Variants in PCDHGA12 observed in about 807,000 individuals in gnomAD.
PCDHGA12 encodes the protein protocadherin gamma-A12.
A neutral mutation model predicts 61.1 loss-of-function variants in PCDHGA12; 43 were observed. That is an observed-to-expected ratio of 0.70 (90% CI 0.55 to 0.91). The LOEUF (loss-of-function observed/expected upper bound fraction) is 0.91, where lower values mean the gene tolerates loss of function less well. Among genes scored for constraint, PCDHGA12 ranks in the 40% least tolerant of loss-of-function variants. The pLI is 0.00. For synonymous variants in PCDHGA12, 520 were observed against 542.9 expected (o/e 0.96, Z 0.59); for missense variants, 1,236 against 1,227.7 (o/e 1.01, Z -0.10).
chr5:141,434,727 A>C (rs1344107083), intron 1 of PCDHGA12, among the ~76,000 whole-genome samples: 1 of 152,052 alleles, frequency 6.6e-6, no homozygotes. Context: ...CAGGGCTCTC[A>C]GCTCTGAAGG....
At chr5:141,471,508 G>A (rs1262338812) in intron 1 of PCDHGA12, 3 of 152,216 alleles carry the variant, frequency 2.0e-5, no homozygotes, top group African/African-American at 7.2e-5. Context: ...AAGAGAGGGA[G>A]TAAAAATAAC....
At chr5:141,467,344 C>A (rs2099142230) in intron 1 of PCDHGA12, among the ~76,000 whole-genome samples, 1 of 152,122 alleles carries the variant, frequency 6.6e-6, no homozygotes, top group South Asian at 2.1e-4. Flanking sequence ...TAAGCCACTG[C>A]CCCCGGCCAA....
At position 141,436,706 on chromosome 5, in the gene PCDHGA12, A is replaced by G. The variant is rs149478256; in HGVS notation, c.2424+3523A>G. 3.9e-3 allele frequency among the ~76,000 whole-genome samples: 587 copies of G among 152,318 alleles called. 6 individuals are homozygous for G. Among genetic ancestry groups the G allele is most frequent in the Admixed American group, 0.011 (169 of 15,304 alleles). On this transcript the variant is annotated intron_variant, in intron 1 of 3. Transcript: ENST00000252085. ...TATATTTTCAATGCCAGCACACTCG[A>G]TGTTCTGTTGGGAAAAATAATAATG...
rs1299573831 is a variant in PCDHGA12 at position 141,500,662 on chromosome 5, T to A, written c.2484-4731T>A. 5.3e-5 allele frequency among the ~76,000 whole-genome samples: 8 copies of A among 152,352 alleles called. No homozygotes were observed. The East Asian group carries it at 1.5e-3, about 29-fold the overall frequency. ...TTTTTAAAAATAGCAACTGAGGCCA[T>A]ACTGTCCAACAGAATTATAGCTTTT... On this transcript the variant is annotated intron_variant, in intron 2 of 3. Coordinates refer to ENST00000252085, the MANE Select transcript of PCDHGA12 (RefSeq NM_003735.3).
In PCDHGA12 at chr5:141,489,664, A is replaced by C. The variant is rs745597010; in HGVS notation, c.2425-5143A>C. 1.9e-6 allele frequency: 3 copies of C among 1,614,224 alleles called. No individual in the cohort carries two copies. Among genetic ancestry groups the C allele is most frequent in the African/African-American group, 1.3e-5 (1 of 75,058 alleles). On this transcript the variant is annotated intron_variant, in intron 1 of 3. Transcript: ENST00000252085. This position sits in a 1 kb window ranked among gnomAD's most constrained non-coding sequence, Gnocchi z 4.5. ...TGCCACCCCTGAGCGAGAGATGCGC[A>C]TCTCAGAATCAGCAGCATCTGGGGC... is the stretch of plus-strand genomic sequence containing the variant.
Position 141,477,771 on chromosome 5 carries a change from G to A in PCDHGA12, c.2425-17036G>A. 1 of 1,613,992 alleles carries A rather than the reference G, an allele frequency of 6.2e-7. No homozygotes were observed. The highest frequency in any genetic ancestry group is 1.3e-5 in the African/African-American group (1 of 75,054). ...ACCCCGGTCCTAGCCACCAACATCA[G>A]CGTGAACATATTTGTCACTGATCGC... On this transcript the variant is annotated intron_variant, in intron 1 of 3. Transcript: ENST00000252085. This position sits in a 1 kb window ranked among gnomAD's most constrained non-coding sequence, Gnocchi z 4.9.
intron 3 of PCDHGA12, among the ~76,000 whole-genome samples, chr5:141,506,485 A>C (rs2154593953): frequency 6.6e-6 from 1 of 150,572 alleles, no homozygotes; most frequent in East Asian, 2.0e-4. Flanking sequence ...CTTTAGAGGC[A>C]GGCCAATCTG....
rs71576115 is a variant in PCDHGA12 at position 141,463,438 on chromosome 5, C to CTTTT, written c.2424+30280_2424+30283dup. Among the ~76,000 whole-genome samples, 106 of 103,254 alleles carry CTTTT rather than the reference C, an allele frequency of 1.0e-3. 8 individuals are homozygous for CTTTT. Among genetic ancestry groups the CTTTT allele is most frequent in the African/African-American group, 3.9e-3 (88 of 22,404 alleles). The allele number at this position is 103,254 out of a possible 152,430, so 67.7% of individuals were successfully genotyped here. ...GTTTGCGGATCCTCATTTCCTTCTC[C>CTTTT]TTTTTTTTTTTTTTTTTTTTTTTTT... is the stretch of plus-strand genomic sequence containing the variant. On this transcript the variant is annotated intron_variant, in intron 1 of 3. Transcript: ENST00000252085.
intron 1 of PCDHGA12, among the ~76,000 whole-genome samples, chr5:141,467,441 T>C (rs919148544): frequency 6.6e-6 from 1 of 152,340 alleles, no homozygotes; most frequent in African/African-American, 2.4e-5. Context: ...CATTCATTAC[T>C]TTTTTCTTCC....
intron 1 of PCDHGA12, chr5:141,478,233 T>G: frequency 6.2e-7 from 1 of 1,614,126 alleles, no homozygotes. Context: ...GTGGGGTTTG[T>G]GGTCACAGTG....
chr5:141,438,054 T>C (rs1451843979), intron 1 of PCDHGA12, among the ~76,000 whole-genome samples: 2 of 152,182 alleles, frequency 1.3e-5, no homozygotes, highest in African/African-American at 4.8e-5. Flanking sequence ...TTGAGTTCAC[T>C]TTTAAGAAAC....
chr5:141,432,369 A>G lies in PCDHGA12; in HGVS notation c.1610A>G (p.Asn537Ser). 6.2e-7 allele frequency: 1 copy of G among 1,614,222 alleles called. No homozygotes were observed. The highest frequency in any genetic ancestry group is 1.1e-5 in the South Asian group (1 of 91,084). ...DLQVKVMARDNGHPPLSSNVS... is the reference protein window; with the variant it reads ...DLQVKVMARDSGHPPLSSNVS... ...CAAGTGAAAGTGATGGCGCGGGACA[A>G]CGGGCACCCGCCCCTCAGCAGCAAC... Residue 537 changes from asparagine to serine, a missense_variant, in exon 1 of 4, where the codon AAC becomes AGC. Coordinates refer to ENST00000252085, the MANE Select transcript of PCDHGA12 (RefSeq NM_003735.3). The surrounding 1 kb of genome is among the most constrained non-coding windows in gnomAD (Gnocchi z 6.0).
chr5:141,447,312 G>C (rs2098534178), intron 1 of PCDHGA12, among the ~76,000 whole-genome samples: 2 of 151,918 alleles, frequency 1.3e-5, no homozygotes, highest in African/African-American at 2.4e-5. Flanking sequence ...GCTAATTTTT[G>C]TATTTTTAGT....
intron 1 of PCDHGA12, among the ~76,000 whole-genome samples, chr5:141,458,883 C>A (rs1171747288): frequency 6.6e-6 from 1 of 152,136 alleles, no homozygotes; most frequent in East Asian, 1.9e-4. Flanking sequence ...CAGGCATGCA[C>A]ACCATGCGCA....
intron 1 of PCDHGA12, among the ~76,000 whole-genome samples, chr5:141,458,445 T>G (rs180720013): frequency 6.6e-6 from 1 of 151,738 alleles, no homozygotes; most frequent in East Asian, 1.9e-4. Flanking sequence ...TCCCCCACAT[T>G]AACAATTTTT....
At chr5:141,496,581 C>T (rs868326584) in intron 2 of PCDHGA12, among the ~76,000 whole-genome samples, 9 of 152,134 alleles carry the variant, frequency 5.9e-5, no homozygotes, top group African/African-American at 1.9e-4. Flanking sequence ...ATTTTAGGAA[C>T]GCAAAGCGCT....
chr5:141,430,896 G>A lies in PCDHGA12; in HGVS notation c.137G>A (p.Gly46Asp). Residue 46 changes from glycine to aspartate, a missense_variant, in exon 1 of 4, where the codon GGC (glycine) becomes GAC (aspartate). Transcript: ENST00000252085. The stretch of plus-strand genomic sequence containing the variant: ...GAGCTGGAGAAAGGCTCTAGGGTGG[G>A]CGACATCTCCAGGGACCTGGGGCTG... ...PEELEKGSRV[G>D]DISRDLGLEP... 1 of 1,606,012 alleles carries A rather than the reference G, an allele frequency of 6.2e-7. No individual in the cohort carries two copies. Among genetic ancestry groups the A allele is most frequent in the Admixed American group, 1.7e-5 (1 of 58,322 alleles).
At position 141,430,811 on chromosome 5, in the gene PCDHGA12, A is replaced by G. The variant is rs1193066300; in HGVS notation, c.52A>G (p.Ile18Val). The stretch of plus-strand genomic sequence containing the variant: ...CTACAAAGGGCTTGTCCTGCTGGGA[A>G]TCCTCCTGGGGACTCTGTGGGAGAC... The part of the protein sequence containing the change: ...RDYKGLVLLG[I>V]LLGTLWETGC... Residue 18 changes from isoleucine to valine, a missense_variant, in exon 1 of 4, where the codon ATC becomes GTC. By Grantham distance (29) the Ile-to-Val change is conservative. Coordinates refer to ENST00000252085, the MANE Select transcript of PCDHGA12 (RefSeq NM_003735.3). 6.5e-7 allele frequency: 1 copy of G among 1,527,400 alleles called. No individual in the cohort carries two copies. 94.6% of individuals were successfully genotyped at this position (1,527,400 alleles called of 1,614,324 possible).
At chr5:141,472,066 T>C (rs1440684719) in intron 1 of PCDHGA12, among the ~76,000 whole-genome samples, 1 of 152,140 alleles carries the variant, frequency 6.6e-6, no homozygotes, top group African/African-American at 2.4e-5. Flanking sequence ...GACATGTCTG[T>C]GGTTATATCA....
Sources: gnomAD v4.1 joint callset for allele counts (sites outside exome capture counted in the v4.1 genomes callset) on GRCh38, gnomAD v4.1.1 for gene constraint, Gnocchi (gnomAD v3.1) non-coding constraint, MANE v1.5 for transcripts, NCBI Gene and HGNC (gene_info 2026-07-23, HGNC 2026-07-21) for gene names.